The following RIMBP2 variants were observed in gnomAD, a reference collection of about 807,000 sequenced individuals.
RIMBP2 encodes the protein RIMS-binding protein 2.
In RIMBP2, 48 loss-of-function variants were observed where a neutral mutation model predicts 118.6. That is an observed-to-expected ratio of 0.40 (90% CI 0.32 to 0.51). RIMBP2 has a LOEUF of 0.51. Among genes scored for constraint, RIMBP2 ranks in the 20% least tolerant of loss-of-function variants. The pLI, the probability that RIMBP2 is intolerant of heterozygous loss-of-function variation, is 0.41. For synonymous variants in RIMBP2, 762 were observed against 742.9 expected (o/e 1.03, Z -0.42); for missense variants, 1,551 against 1,768.3 (o/e 0.88, Z 2.20).
At chr12:130,687,424 C>T (rs1026063733) in intron 1 of RIMBP2, among the ~76,000 whole-genome samples, 21 of 152,174 alleles carry the variant, frequency 1.4e-4, no homozygotes, top group African/African-American at 5.1e-4. Flanking sequence ...CCCCCCAGCA[C>T]ATCTGGGTGG....
At position 130,442,501 on chromosome 12, in the gene RIMBP2, A is replaced by C. The variant is rs1433490812; in HGVS notation, c.851T>G (p.Leu284Arg). The C allele has an allele frequency of 8.1e-6, 13 of 1,614,036 alleles. No individual in the cohort carries two copies. Among genetic ancestry groups the C allele is most frequent in the African/African-American group, 1.3e-5 (1 of 74,990 alleles). Reference sequence around the variant, plus strand: ...CGCATCTATGTGGGTTGGGGAGTGGAGGTCCAGGATGTGCTCTCCCTCCAG... The same window carrying C: ...CGCATCTATGTGGGTTGGGGAGTGGCGGTCCAGGATGTGCTCTCCCTCCAG... ...IGLEGEHILD[L>R]HSPTHIDAGI... The change falls in exon 11 of 23, where the codon CTC becomes CGC. Residue 284 changes from leucine to arginine, a missense_variant. Leu to Arg is a moderately radical substitution (Grantham distance 102). Coordinates refer to ENST00000690449, the MANE Select transcript of RIMBP2 (RefSeq NM_001393629.1). This position sits in a 1 kb window ranked among gnomAD's most constrained non-coding sequence, Gnocchi z 6.9.
At chr12:130,543,170 A>T (rs1047455913) in intron 2 of RIMBP2, among the ~76,000 whole-genome samples, 8 of 152,196 alleles carry the variant, frequency 5.3e-5, no homozygotes, top group Non-Finnish European at 1.0e-4. Flanking sequence ...CTCCATGGAC[A>T]GTGTACTTGA....
Position 130,437,201 on chromosome 12 carries a change from T to C in RIMBP2, c.1747A>G (p.Thr583Ala). 6.3e-7 allele frequency: 1 copy of C among 1,584,722 alleles called. No homozygotes were observed. Among genetic ancestry groups the C allele is most frequent in the Non-Finnish European group, 8.6e-7 (1 of 1,168,794 alleles). ...ACGGACTCGCCCTGGGCGGAGAGGG[T>C]CCGCACGGTCACGCCCTTGGCCTCC... is the stretch of plus-strand genomic sequence containing the variant. ...SLEAKGVTVRTLSAQGESVDS... is the reference protein window; with the variant it reads ...SLEAKGVTVRALSAQGESVDS... The change falls in exon 13 of 23, where the codon ACC becomes GCC. Residue 583 changes from threonine (T) to alanine (A), a missense_variant. By Grantham distance (58) the Thr-to-Ala change is moderately conservative. This residue lies in a region of RIMBP2 where 1,038 missense variants were observed against 1,125.1 expected (regional missense o/e 0.92). Coordinates refer to ENST00000690449, the MANE Select transcript of RIMBP2 (RefSeq NM_001393629.1).
intron 3 of RIMBP2, among the ~76,000 whole-genome samples, chr12:130,514,596 G>A (rs577846471): frequency 4.6e-5 from 7 of 152,270 alleles, no homozygotes; most frequent in African/African-American, 1.4e-4. Context: ...TATTTTAGTC[G>A]TAGGAAGAAA....
At chr12:130,667,543 T>A (rs1324206096) in intron 1 of RIMBP2, 1 of 152,214 alleles carries the variant, frequency 6.6e-6, no homozygotes, top group South Asian at 2.1e-4. Flanking sequence ...GGGAAAGGGA[T>A]GAAGCTTCCA....
intron 9 of RIMBP2, among the ~76,000 whole-genome samples, chr12:130,448,120 TAA>T (rs5801923): frequency 1.1e-3 from 151 of 137,252 alleles, no homozygotes; most frequent in Admixed American, 2.3e-3. Context: ...GGTGGGTGGT[TAA>T]AAAAAAAAAA....
rs557173116 is a variant in RIMBP2 at position 130,600,547 on chromosome 12, C to T, written c.-217+27775G>A. Among the ~76,000 whole-genome samples, 12 of 152,072 alleles carry T rather than the reference C, an allele frequency of 7.9e-5. No individual in the cohort carries two copies. The East Asian group carries it at 1.6e-3, about 20-fold the overall frequency. On this transcript the variant is annotated intron_variant, in intron 2 of 22. Coordinates refer to ENST00000690449, the MANE Select transcript of RIMBP2 (RefSeq NM_001393629.1). Reference sequence around the variant, plus strand: ...GCCCCAACAGAACCCCTACTCTGGCCAGAAGGATGTCAGCCCCAACAGAAC... The same window carrying T: ...GCCCCAACAGAACCCCTACTCTGGCTAGAAGGATGTCAGCCCCAACAGAAC...
At chr12:130,644,111 G>A (rs896683111) in intron 1 of RIMBP2, among the ~76,000 whole-genome samples, 11 of 152,298 alleles carry the variant, frequency 7.2e-5, no homozygotes, top group South Asian at 2.1e-4. Flanking sequence ...GAAGGATTCC[G>A]CTCTCACTGG....
At chr12:130,444,263 G>A (rs904144739) in intron 10 of RIMBP2, among the ~76,000 whole-genome samples, 2 of 152,170 alleles carry the variant, frequency 1.3e-5, no homozygotes, top group Non-Finnish European at 2.9e-5. Context: ...CAGCTGGTGA[G>A]AGAGTGGTGA....
At chr12:130,618,387 C>T (rs1407903869) in intron 2 of RIMBP2, among the ~76,000 whole-genome samples, 1 of 152,166 alleles carries the variant, frequency 6.6e-6, no homozygotes, top group Non-Finnish European at 1.5e-5. Context: ...CTTCATCTCA[C>T]TCCATGGGCC....
rs140158084 is a variant in RIMBP2 at position 130,523,487 on chromosome 12, C to T, written c.-216-5570G>A. Among the ~76,000 whole-genome samples the T allele has an allele frequency of 5.0e-3, 767 of 152,270 alleles. 8 individuals carry two copies. Among genetic ancestry groups the T allele is most frequent in the African/African-American group, 0.018 (737 of 41,550 alleles). ...GGACAGGAGCCTTCACAGTGTCTCCCGAGGCAGCTCAAGGGCTCGTCAAGG... is the reference window on the plus strand; with the variant it reads ...GGACAGGAGCCTTCACAGTGTCTCCTGAGGCAGCTCAAGGGCTCGTCAAGG... On this transcript the variant is annotated intron_variant, in intron 2 of 22. Coordinates refer to ENST00000690449, the MANE Select transcript of RIMBP2 (RefSeq NM_001393629.1). The surrounding 1 kb of genome is among the most constrained non-coding windows in gnomAD (Gnocchi z 4.4).
intron 1 of RIMBP2, among the ~76,000 whole-genome samples, chr12:130,707,450 G>A (rs545081630): frequency 6.6e-6 from 1 of 152,150 alleles, no homozygotes; most frequent in Admixed American, 6.5e-5. Flanking sequence ...GTCAGGGAAG[G>A]CTTCTCAGAG....
intron 1 of RIMBP2, among the ~76,000 whole-genome samples, chr12:130,641,317 C>G (rs912380876): frequency 1.3e-5 from 2 of 149,114 alleles, no homozygotes; most frequent in Non-Finnish European, 3.0e-5. Flanking sequence ...ACACTCGGCC[C>G]GGCATCACGG....
intron 2 of RIMBP2, among the ~76,000 whole-genome samples, chr12:130,595,221 C>T (rs1297850821): frequency 1.3e-5 from 2 of 152,134 alleles, no homozygotes; most frequent in African/African-American, 4.8e-5. Flanking sequence ...GCAAACCATG[C>T]CCAAAGCCTG....
chr12:130,692,865 GTA>G (rs2065382237), intron 1 of RIMBP2, among the ~76,000 whole-genome samples: 2 of 139,088 alleles, frequency 1.4e-5, no homozygotes, highest in African/African-American at 5.7e-5. Flanking sequence ...GTAGGGTAGG[GTA>G]GGGTAGGGTA....
intron 2 of RIMBP2, among the ~76,000 whole-genome samples, chr12:130,577,681 CT>C (rs1254136223): frequency 2.6e-5 from 4 of 152,052 alleles, no homozygotes; most frequent in African/African-American, 9.7e-5. Context: ...CAAAGCTAAA[CT>C]ATATCAGCCA....
Position 130,646,166 on chromosome 12 carries a change from A to G in RIMBP2, c.-351-17710T>C, listed in dbSNP as rs12826921. On this transcript the variant is annotated intron_variant, in intron 1 of 22. Coordinates refer to ENST00000690449, the MANE Select transcript of RIMBP2 (RefSeq NM_001393629.1). ...CACCACCTGCCTCTCCACCTCCCTCACCACCTGCCTCTCCACCTCCCTCAC... is the reference window on the plus strand; with the variant it reads ...CACCACCTGCCTCTCCACCTCCCTCGCCACCTGCCTCTCCACCTCCCTCAC... 3.8e-3 allele frequency among the ~76,000 whole-genome samples: 86 copies of G among 22,366 alleles called. 3 individuals carry two copies. The highest frequency in any genetic ancestry group is 5.6e-3 in the Non-Finnish European group (59 of 10,620). The allele number at this position is 22,366 out of a possible 152,430, so 14.7% of individuals were successfully genotyped here.
At chr12:130,558,373 C>T (rs1438604201) in intron 2 of RIMBP2, among the ~76,000 whole-genome samples, 1 of 152,138 alleles carries the variant, frequency 6.6e-6, no homozygotes, top group East Asian at 1.9e-4. Context: ...CCAACAGACA[C>T]ACCTCTCTCT....
intron 2 of RIMBP2, among the ~76,000 whole-genome samples, chr12:130,598,215 T>A (rs7975997): frequency 0.18 from 27,164 of 152,082 alleles, 3,569 homozygotes; most frequent in East Asian, 0.36. Context: ...AACACAATAT[T>A]GCTGAGAAAA....
Sources: gnomAD v4.1 joint callset for allele counts (sites outside exome capture counted in the v4.1 genomes callset) on GRCh38, gnomAD v4.1.1 for gene constraint, gnomAD v4.1.1 regional missense constraint, Gnocchi (gnomAD v3.1) non-coding constraint, MANE v1.5 for transcripts, NCBI Gene and HGNC (gene_info 2026-07-23, HGNC 2026-07-21) for gene names.